Variants in NSMCE2 observed in about 807,000 individuals in gnomAD.
NSMCE2 encodes E3 SUMO-protein ligase NSE2.
Under a neutral mutation model 23.8 loss-of-function variants are expected in NSMCE2, and 24 were observed. The observed-to-expected ratio is 1.01, with a 90% CI of 0.73 to 1.42. The LOEUF is 1.42. Among genes scored for constraint, NSMCE2 ranks in the 40% most tolerant of loss-of-function variants. The probability of loss-of-function intolerance (pLI) is 0.00; values close to 1 mark genes in which losing one functional copy is unlikely to be tolerated. For missense variants in NSMCE2, 284 were observed against 296.5 expected (o/e 0.96, Z 0.31); for synonymous variants, 92 against 94.1 (o/e 0.98, Z 0.13).
chr8:125,249,834 C>G (rs960401217), intron 5 of NSMCE2, among the ~76,000 whole-genome samples: 1 of 152,068 alleles, frequency 6.6e-6, no homozygotes, highest in Non-Finnish European at 1.5e-5. Context: ...ATTATTATTT[C>G]AAACATTAAA....
intron 5 of NSMCE2, among the ~76,000 whole-genome samples, chr8:125,192,335 T>G (rs1563709525): frequency 6.6e-6 from 1 of 152,078 alleles, no homozygotes; most frequent in Non-Finnish European, 1.5e-5. Context: ...AAAGGTTTTT[T>G]TTTTTTTTTA....
At chr8:125,226,867 C>A (rs946041657) in intron 5 of NSMCE2, among the ~76,000 whole-genome samples, 5 of 152,040 alleles carry the variant, frequency 3.3e-5, no homozygotes, top group African/African-American at 1.2e-4. Flanking sequence ...TTCCTCTTTT[C>A]TCTCCCCGTT....
intron 5 of NSMCE2, among the ~76,000 whole-genome samples, chr8:125,340,294 T>A (rs1444644306): frequency 2.0e-5 from 3 of 152,180 alleles, no homozygotes; most frequent in African/African-American, 7.2e-5. Flanking sequence ...ACTGTGAAAA[T>A]GCTACTCGAC....
At chr8:125,352,517 G>C (rs1048895563) in intron 5 of NSMCE2, among the ~76,000 whole-genome samples, 19 of 147,470 alleles carry the variant, frequency 1.3e-4, no homozygotes, top group African/African-American at 4.7e-4. Flanking sequence ...GGAGCTCCCA[G>C]AACCAACACA....
intron 5 of NSMCE2, among the ~76,000 whole-genome samples, chr8:125,244,955 A>T (rs1329365402): frequency 6.6e-6 from 1 of 152,230 alleles, no homozygotes; most frequent in Non-Finnish European, 1.5e-5. Flanking sequence ...TATAAGATTT[A>T]TACTGGCCAC....
chr8:125,164,833 G>A (rs550665341), intron 4 of NSMCE2, among the ~76,000 whole-genome samples: 5 of 152,082 alleles, frequency 3.3e-5, no homozygotes, highest in Admixed American at 2.6e-4. Flanking sequence ...CATAATAATA[G>A]CAAGCCTAGC....
intron 7 of NSMCE2, among the ~76,000 whole-genome samples, chr8:125,359,829 C>G (rs1813450407): frequency 6.6e-6 from 1 of 151,984 alleles, no homozygotes; most frequent in Admixed American, 6.6e-5. Context: ...TTTTTTCCAC[C>G]ATTGCTCTAT....
intron 3 of NSMCE2, among the ~76,000 whole-genome samples, chr8:125,149,564 G>T (rs181850194): frequency 6.6e-6 from 1 of 152,160 alleles, no homozygotes; most frequent in Non-Finnish European, 1.5e-5. Flanking sequence ...TTATGTTCCT[G>T]TGTTAACTAT....
At chr8:125,350,401 A>C (rs1812983867) in intron 5 of NSMCE2, among the ~76,000 whole-genome samples, 1 of 152,212 alleles carries the variant, frequency 6.6e-6, no homozygotes, top group Non-Finnish European at 1.5e-5. Flanking sequence ...CAAAGACAGG[A>C]GGAGCTTGGC....
chr8:125,295,409 A>T (rs1419492951), intron 5 of NSMCE2, among the ~76,000 whole-genome samples: 1 of 152,176 alleles, frequency 6.6e-6, no homozygotes, highest in Non-Finnish European at 1.5e-5. Flanking sequence ...AGTTGAAGAG[A>T]ATTCAGAGGA....
chr8:125,144,090 C>T (rs1364107802), intron 3 of NSMCE2, among the ~76,000 whole-genome samples: 1 of 152,066 alleles, frequency 6.6e-6, no homozygotes, highest in African/African-American at 2.4e-5. Context: ...TCATTAAAGG[C>T]AGTTCTACTG....
intron 5 of NSMCE2, among the ~76,000 whole-genome samples, chr8:125,272,795 GTATA>G (rs1387757120): frequency 7.4e-5 from 10 of 135,270 alleles, no homozygotes; most frequent in Non-Finnish European, 1.6e-4. Flanking sequence ...ATACACATGT[GTATA>G]TATATACACA....
intron 3 of NSMCE2, among the ~76,000 whole-genome samples, chr8:125,123,455 C>T (rs1396663050): frequency 6.6e-6 from 1 of 152,202 alleles, no homozygotes; most frequent in African/African-American, 2.4e-5. Context: ...CTTAACAATC[C>T]TATGAAAATG....
At chr8:125,309,977 A>C (rs147340717) in intron 5 of NSMCE2, among the ~76,000 whole-genome samples, 2 of 152,222 alleles carry the variant, frequency 1.3e-5, no homozygotes, top group Admixed American at 1.3e-4. Flanking sequence ...ATCATGAAAC[A>C]TGTAAGCTGG....
intron 5 of NSMCE2, among the ~76,000 whole-genome samples, chr8:125,354,520 A>G (rs559350314): frequency 2.6e-5 from 4 of 152,342 alleles, no homozygotes; most frequent in African/African-American, 9.6e-5. Flanking sequence ...AAGCCAACCA[A>G]TGGTTTTTAA....
intron 1 of NSMCE2, among the ~76,000 whole-genome samples, chr8:125,096,441 A>C (rs140082857): frequency 6.6e-6 from 1 of 151,494 alleles, no homozygotes; most frequent in African/African-American, 2.4e-5. Flanking sequence ...TTTGAGGATT[A>C]TTTTTTTCAG....
chr8:125,303,012 C>T (rs1239329891), intron 5 of NSMCE2, among the ~76,000 whole-genome samples: 2 of 152,138 alleles, frequency 1.3e-5, no homozygotes, highest in Non-Finnish European at 2.9e-5. Flanking sequence ...CCACACTCCC[C>T]GCATCTTCTG....
intron 5 of NSMCE2, 74 bp from the exon 6 acceptor site, chr8:125,357,145 C>T: frequency 2.0e-6 from 2 of 977,438 alleles, no homozygotes; most frequent in South Asian, 1.4e-5. Context: ...AACTCTTCAC[C>T]TCCCTTCCTT....
chr8:125,218,804 A>G (rs1824718306), intron 5 of NSMCE2, among the ~76,000 whole-genome samples: 1 of 152,204 alleles, frequency 6.6e-6, no homozygotes. Flanking sequence ...AACATGAATA[A>G]ACTTGACACT....
Sources: allele counts gnomAD v4.1 joint callset (sites outside exome capture counted in the v4.1 genomes callset), GRCh38; gene constraint gnomAD v4.1.1; transcripts MANE v1.5; gene names NCBI Gene and HGNC (gene_info 2026-07-23, HGNC 2026-07-21).